YWHAG: variants seen among roughly 807,000 people sequenced by gnomAD.
YWHAG encodes the protein tyrosine 3-monooxygenase/tryptophan 5-monooxygenase activation protein gamma.
YWHAG carries 1 observed loss-of-function variant against 23.3 expected under a neutral mutation model. The ratio of observed to expected loss-of-function variants is 0.04; its 90% confidence interval spans 0.02 to 0.20. The LOEUF (loss-of-function observed/expected upper bound fraction) is 0.20, where lower values mean the gene tolerates loss of function less well. YWHAG is among the 10% of genes least tolerant of loss of function. The pLI is 1.00. For missense variants in YWHAG, 151 were observed against 338.6 expected, an observed-to-expected ratio of 0.45 and a Z score of 4.35; for synonymous variants, 160 against 144.0, an observed-to-expected ratio of 1.11 and a Z score of -0.80.
rs944578677 is a variant in YWHAG, at chr7:76,327,805, G to A, written c.*1772C>T. On this transcript the variant is annotated 3_prime_UTR_variant, in exon 2 of 2. Coordinates refer to ENST00000307630, the MANE Select transcript of YWHAG (RefSeq NM_012479.4). ...TCACTTAACTGGGACTTTTACTCTA[G>A]CGTGAGGAGGGGGCCTCCTAAGGAA... The A allele has an allele frequency of 3.3e-5, 5 of 151,674 alleles. No homozygotes were observed. The highest frequency in any genetic ancestry group is 4.8e-5 in the African/African-American group (2 of 41,264). 9.4% of individuals were successfully genotyped at this position (151,674 alleles called of 1,614,324 possible).
chr7:76,333,606 C>G (rs555588820), intron 1 of YWHAG, among the ~76,000 whole-genome samples: 1 of 152,346 alleles, frequency 6.6e-6, no homozygotes, highest in African/African-American at 2.4e-5. Context: ...TTAGCTGCCT[C>G]ACATCGCTTC....
At chr7:76,344,024 G>T (rs775815958) in intron 1 of YWHAG, among the ~76,000 whole-genome samples, 2 of 152,136 alleles carry the variant, frequency 1.3e-5, no homozygotes, top group Non-Finnish European at 2.9e-5. Context: ...ATCTTTCTCT[G>T]CAAGTGTTAC....
chr7:76,352,590 T>C (rs2115651292), intron 1 of YWHAG, among the ~76,000 whole-genome samples: 1 of 152,328 alleles, frequency 6.6e-6, no homozygotes, highest in South Asian at 2.1e-4. Flanking sequence ...TTTTATTGTT[T>C]TAATGTTATG....
At chr7:76,345,739 C>T (rs1003390603) in intron 1 of YWHAG, among the ~76,000 whole-genome samples, 13 of 151,964 alleles carry the variant, frequency 8.6e-5, no homozygotes, top group African/African-American at 2.2e-4. Flanking sequence ...TCTTCAAAAC[C>T]GGCCTGGCCA....
At chr7:76,344,074 A>ATCCTGTT in intron 1 of YWHAG, among the ~76,000 whole-genome samples, 1 of 152,314 alleles carries the variant, frequency 6.6e-6, no homozygotes, top group Middle Eastern at 3.4e-3. Context: ...GGAACAGATG[A>ATCCTGTT]ACCTGGGGAT....
intron 1 of YWHAG, 52 bp downstream of exon 1, chr7:76,358,670 A>T: frequency 6.6e-7 from 1 of 1,512,640 alleles, no homozygotes; most frequent in Non-Finnish European, 9.0e-7. Context: ...CACGCCAAGG[A>T]CCGCGTCTTC....
chr7:76,344,383 A>G (rs1218161157), intron 1 of YWHAG, among the ~76,000 whole-genome samples: 1 of 152,108 alleles, frequency 6.6e-6, no homozygotes, highest in Non-Finnish European at 1.5e-5. Flanking sequence ...TTGTTAAAAC[A>G]TTTTTAACAA....
Position 76,329,531 on chromosome 7 carries a change from G to A in YWHAG, c.*46C>T, listed in dbSNP as rs1803510200. The A allele has an allele frequency of 1.8e-5, 16 of 896,068 alleles. No homozygotes were observed. Among genetic ancestry groups the A allele is most frequent in the African/African-American group, 3.5e-5 (2 of 56,548 alleles). 55.5% of individuals were successfully genotyped at this position (896,068 alleles called of 1,614,324 possible). A position where few individuals can be genotyped will look rare whatever the true frequency, so the allele number is the denominator to read the frequency against. On this transcript the variant is annotated 3_prime_UTR_variant, in exon 2 of 2. Transcript: ENST00000307630. This position sits in a 1 kb window ranked among gnomAD's most constrained non-coding sequence, Gnocchi z 6.1. Reference sequence around the variant, plus strand: ...CCCCAACTCATGGGAAAAAAATAAAGACTGCAGTAGTAGCATCCGCGTGCG... The same window carrying A: ...CCCCAACTCATGGGAAAAAAATAAAAACTGCAGTAGTAGCATCCGCGTGCG...
At chr7:76,353,917 C>T (rs1176916265) in intron 1 of YWHAG, among the ~76,000 whole-genome samples, 3 of 151,538 alleles carry the variant, frequency 2.0e-5, no homozygotes. Context: ...AAAAACGGTA[C>T]AAAAAAATAG....
intron 1 of YWHAG, among the ~76,000 whole-genome samples, chr7:76,330,811 G>A (rs1414400022): frequency 6.6e-6 from 1 of 152,196 alleles, no homozygotes; most frequent in Non-Finnish European, 1.5e-5. Context: ...CAGTGGGAGT[G>A]TCTGACTGAA....
chr7:76,357,670 G>T (rs1803981242), intron 1 of YWHAG, among the ~76,000 whole-genome samples: 1 of 152,110 alleles, frequency 6.6e-6, no homozygotes, highest in South Asian at 2.1e-4. Flanking sequence ...AGCCTCAGAT[G>T]CATCTAACAA....
At chr7:76,344,673 G>A (rs1803749382) in intron 1 of YWHAG, among the ~76,000 whole-genome samples, 1 of 152,070 alleles carries the variant, frequency 6.6e-6, no homozygotes, top group South Asian at 2.1e-4. Context: ...TTATTTATCT[G>A]TGTCCAGACC....
intron 1 of YWHAG, among the ~76,000 whole-genome samples, chr7:76,355,679 G>T (rs1803944597): frequency 2.6e-5 from 4 of 152,140 alleles, no homozygotes; most frequent in Admixed American, 2.6e-4. Context: ...GAATTTGAAA[G>T]TCTATTGATC....
intron 1 of YWHAG, among the ~76,000 whole-genome samples, chr7:76,352,584 A>G (rs1803891495): frequency 6.6e-6 from 1 of 151,836 alleles, no homozygotes; most frequent in Admixed American, 6.6e-5. Context: ...GAATAATTTT[A>G]TTGTTTTAAT....
rs1397162903 is a variant in YWHAG at position 76,327,678 on chromosome 7, CCCT to C, written c.*1896_*1898del. ...AGCCCCACCTACCCTGCCCCCCCCC[CCCT>C]CCCCCCCCAAATCGTCTTCCTCCCA... On this transcript the variant is annotated 3_prime_UTR_variant, in exon 2 of 2. Transcript: ENST00000307630. 1.1e-3 allele frequency: 102 copies of C among 95,012 alleles called. 1 individual carries two copies. Among genetic ancestry groups the C allele is most frequent in the African/African-American group, 2.8e-3 (62 of 21,796 alleles). The allele number at this position is 95,012 out of a possible 1,614,324, so 5.9% of individuals were successfully genotyped here.
chr7:76,339,020 T>C (rs1381777435), intron 1 of YWHAG, among the ~76,000 whole-genome samples: 3 of 152,204 alleles, frequency 2.0e-5, no homozygotes, highest in Non-Finnish European at 4.4e-5. Context: ...TACCCTGTTA[T>C]TCATACCTAC....
chr7:76,329,997 C>T lies in YWHAG; in HGVS notation c.324G>A (p.Leu108=). ...QDVLSLLDNY[L]IKNCSETQYE... ...ACTGGGTCTCGCTGCAATTCTTGATCAGGTAGTTATCCAGCAGGCTCAGCA... is the reference window on the plus strand; with the variant it reads ...ACTGGGTCTCGCTGCAATTCTTGATTAGGTAGTTATCCAGCAGGCTCAGCA... The change falls in exon 2 of 2, where the codon CTG becomes CTA. Residue 108 remains leucine (L), a synonymous_variant. Transcript: ENST00000307630. This position sits in a 1 kb window ranked among gnomAD's most constrained non-coding sequence, Gnocchi z 6.1. The T allele has an allele frequency of 1.2e-6, 2 of 1,614,154 alleles. No individual in the cohort carries two copies. The highest frequency in any genetic ancestry group is 1.7e-5 in the Admixed American group (1 of 60,010).
rs1027851021 is a variant in YWHAG, at chr7:76,327,687, C to T, written c.*1890G>A. On this transcript the variant is annotated 3_prime_UTR_variant, in exon 2 of 2. Coordinates refer to ENST00000307630, the MANE Select transcript of YWHAG (RefSeq NM_012479.4). ...TACCCTGCCCCCCCCCCCCTCCCCC[C>T]CCAAATCGTCTTCCTCCCATGGCAA... The T allele has an allele frequency of 8.3e-6, 1 of 120,414 alleles. No homozygotes were observed. Among genetic ancestry groups the T allele is most frequent in the South Asian group, 3.1e-4 (1 of 3,242 alleles). 7.5% of individuals were successfully genotyped at this position (120,414 alleles called of 1,614,324 possible).
chr7:76,341,871 T>A (rs1394938500), intron 1 of YWHAG, among the ~76,000 whole-genome samples: 1 of 152,158 alleles, frequency 6.6e-6, no homozygotes, highest in East Asian at 1.9e-4. Flanking sequence ...AATGGGTGAA[T>A]CGCATGGTAT....
Sources: allele counts gnomAD v4.1 joint callset (sites outside exome capture counted in the v4.1 genomes callset), GRCh38; gene constraint gnomAD v4.1.1; non-coding constraint Gnocchi (gnomAD v3.1); transcripts MANE v1.5; gene names NCBI Gene and HGNC (gene_info 2026-07-23, HGNC 2026-07-21).